TMLHE: variants seen among roughly 807,000 people sequenced by gnomAD.
The protein encoded by TMLHE is trimethyllysine hydroxylase, epsilon.
In TMLHE, 18 loss-of-function variants were observed where a neutral mutation model predicts 25.7. The observed-to-expected ratio is 0.70, with a 90% CI of 0.48 to 1.04. The LOEUF (loss-of-function observed/expected upper bound fraction) is 1.04. Among genes scored for constraint, TMLHE ranks in the 50% least tolerant of loss-of-function variants. TMLHE has a pLI of 0.00. For synonymous variants in TMLHE, 105 were observed against 97.0 expected (o/e 1.08, Z -0.49); for missense variants, 236 against 259.0 (o/e 0.91, Z 0.61).
intron 6 of TMLHE, 48 bp downstream of exon 6, chrX:155,506,850 A>C: frequency 9.3e-7 from 1 of 1,080,425 alleles, no homozygotes; most frequent in Non-Finnish European, 1.3e-6. Flanking sequence ...TTAGAAGGCT[A>C]ATCTTTGGCA....
intron 2 of TMLHE, among the ~76,000 whole-genome samples, chrX:155,527,993 A>G (rs1004044075): frequency 5.4e-5 from 6 of 111,684 alleles, no homozygotes; most frequent in Non-Finnish European, 9.4e-5. Context: ...AAGGATATCA[A>G]TAAGGAAAGT....
intron 1 of TMLHE, among the ~76,000 whole-genome samples, chrX:155,564,938 T>C (rs1368508575): frequency 3.3e-5 from 2 of 61,498 alleles, no homozygotes; most frequent in African/African-American, 7.2e-5. Context: ...TTAGCCAAAG[T>C]GGGTTTAAAA....
chrX:155,596,746 C>A (rs1202559010), intron 1 of TMLHE, among the ~76,000 whole-genome samples: 1 of 111,740 alleles, frequency 8.9e-6, no homozygotes, highest in Non-Finnish European at 1.9e-5. Flanking sequence ...ATATGTTTGT[C>A]AGTTCCCCAA....
At chrX:155,513,108 G>C (rs1255953296) in intron 4 of TMLHE, among the ~76,000 whole-genome samples, 1 of 111,141 alleles carries the variant, frequency 9.0e-6, no homozygotes, top group Non-Finnish European at 1.9e-5. Context: ...CACAGATGCT[G>C]TTGATTATGC....
chrX:155,561,569 A>T lies in TMLHE; in HGVS notation c.-1-16292T>A, dbSNP rs782819900. ...CTTCCCAACAGCCCCCAAAGTCTTA[A>T]CTCATTTCAGCACTAAAAAGTCCAA... On this transcript the variant is annotated intron_variant, in intron 1 of 7. Transcript: ENST00000334398. Among the ~76,000 whole-genome samples the T allele has an allele frequency of 1.8e-4, 11 of 61,523 alleles. 1 individual carries two copies. The South Asian group carries it at 0.011, about 61-fold the overall frequency. The allele number at this position is 61,523 out of a possible 115,157, so 53.4% of individuals were successfully genotyped here. A position where few individuals can be genotyped will look rare whatever the true frequency, so the allele number is the denominator to read the frequency against.
At chrX:155,607,113 T>C (rs1159946362) in intron 1 of TMLHE, among the ~76,000 whole-genome samples, 1 of 111,545 alleles carries the variant, frequency 9.0e-6, no homozygotes, top group African/African-American at 3.3e-5. Flanking sequence ...CCTAACTCCT[T>C]CTTTGAGGCC....
At chrX:155,593,363 C>T (rs1557346180) in intron 1 of TMLHE, among the ~76,000 whole-genome samples, 1 of 111,864 alleles carries the variant, frequency 8.9e-6, no homozygotes, top group East Asian at 2.8e-4. Flanking sequence ...CTAGAAAATA[C>T]AACAGCAAGC....
Position 155,561,374 on chromosome X carries a change from G to C in TMLHE, c.-1-16097C>G, listed in dbSNP as rs1239929142. Among the ~76,000 whole-genome samples the C allele has an allele frequency of 2.3e-4, 14 of 60,626 alleles. 1 individual carries two copies. Among genetic ancestry groups the C allele is most frequent in the African/African-American group, 5.1e-4 (14 of 27,407 alleles). The allele number at this position is 60,626 out of a possible 115,157, so 52.6% of individuals were successfully genotyped here. A position where few individuals can be genotyped will look rare whatever the true frequency, so the allele number is the denominator to read the frequency against. On this transcript the variant is annotated intron_variant, in intron 1 of 7. Transcript: ENST00000334398. ...TCACTCACAATAATGAGAACAGCAA[G>C]GGGAAATCCACTGCCATGATTCAAT...
chrX:155,552,645 T>G (rs2067422581), intron 1 of TMLHE, among the ~76,000 whole-genome samples: 1 of 110,111 alleles, frequency 9.1e-6, no homozygotes, highest in Non-Finnish European at 1.9e-5. Flanking sequence ...TATTATCAAT[T>G]TTATTAGTCT....
At chrX:155,600,899 A>C (rs2067752190) in intron 1 of TMLHE, among the ~76,000 whole-genome samples, 1 of 112,030 alleles carries the variant, frequency 8.9e-6, no homozygotes, top group African/African-American at 3.2e-5. Flanking sequence ...GTGTTTAAGC[A>C]TAACATATGA....
At chrX:155,597,541 G>A (rs1246298505) in intron 1 of TMLHE, among the ~76,000 whole-genome samples, 1 of 111,815 alleles carries the variant, frequency 8.9e-6, no homozygotes, top group Non-Finnish European at 1.9e-5. Context: ...AAAGACACAT[G>A]CACACGTATG....
chrX:155,608,641 T>C (rs1206563128), intron 1 of TMLHE, among the ~76,000 whole-genome samples: 2 of 111,668 alleles, frequency 1.8e-5, no homozygotes, highest in African/African-American at 3.3e-5. Flanking sequence ...TGGGAGAAAA[T>C]ATTTGCAAAC....
At chrX:155,532,654 T>G (rs2124386364) in intron 2 of TMLHE, among the ~76,000 whole-genome samples, 1 of 103,745 alleles carries the variant, frequency 9.6e-6, no homozygotes, top group African/African-American at 3.6e-5. Flanking sequence ...GTGTGTGGAA[T>G]AATATGCAAA....
rs782651562 is a variant in TMLHE at position 155,538,894 on chromosome X, A to C, written c.181+6202T>G. ...CAAACATGTAATATCTCCCATATTA[A>C]AATAATATTCCAGGAGTGCCATCAG... On this transcript the variant is annotated intron_variant, in intron 2 of 7. Coordinates refer to ENST00000334398, the MANE Select transcript of TMLHE (RefSeq NM_018196.4). Among the ~76,000 whole-genome samples the C allele has an allele frequency of 2.7e-5, 3 of 111,651 alleles. No homozygotes were observed. The East Asian group carries it at 8.4e-4, about 31-fold the overall frequency.
chrX:155,548,455 GC>G (rs1569562058), intron 1 of TMLHE, among the ~76,000 whole-genome samples: 4 of 110,945 alleles, frequency 3.6e-5, no homozygotes. Context: ...CATCCTACAG[GC>G]TGGGCACGGT....
Position 155,524,514 on chromosome X carries a change from C to G in TMLHE, c.300G>C (p.Val100=). 2 of 1,208,000 alleles carry G rather than the reference C, an allele frequency of 1.7e-6. No homozygotes were observed. The highest frequency in any genetic ancestry group is 2.2e-6 in the Non-Finnish European group (2 of 893,704). ...THQRSLDTAS[V]DLCIKPKTIR... ...TGGTCTTTGGCTTGATACATAAATC[C>G]ACACTGGCAGTATCCAGGCTGCGCT... Residue 100 remains valine, a synonymous_variant, in exon 3 of 8, where the codon GTG becomes GTC. Transcript: ENST00000334398.
chrX:155,522,489 C>T (rs782111130), intron 3 of TMLHE, among the ~76,000 whole-genome samples: 1 of 111,907 alleles, frequency 8.9e-6, no homozygotes, highest in Non-Finnish European at 1.9e-5. Context: ...TAACCACCAC[C>T]AAAATCAAGA....
chrX:155,573,819 T>A (rs1276225999), intron 1 of TMLHE, among the ~76,000 whole-genome samples: 1 of 42,356 alleles, frequency 2.4e-5, no homozygotes, highest in Admixed American at 3.7e-4. Flanking sequence ...AACATCACAC[T>A]CTGGGGACTG....
chrX:155,500,195 C>T (rs1557332244), intron 6 of TMLHE, among the ~76,000 whole-genome samples: 1 of 63,794 alleles, frequency 1.6e-5, no homozygotes, highest in Non-Finnish European at 3.3e-5. Context: ...AACAGGCAAC[C>T]TACAGAATGG....
Sources: gnomAD v4.1 joint callset for allele counts (sites outside exome capture counted in the v4.1 genomes callset) on GRCh38, gnomAD v4.1.1 for gene constraint, MANE v1.5 for transcripts, NCBI Gene and HGNC (gene_info 2026-07-23, HGNC 2026-07-21) for gene names.